The following XRN2 variants were observed in gnomAD, a reference collection of about 807,000 sequenced individuals.
XRN2 encodes the protein 5'-3' exoribonuclease 2.
Under a neutral mutation model 138.5 loss-of-function variants are expected in XRN2, and 44 were observed. The observed-to-expected ratio is 0.32, with a 90% CI of 0.25 to 0.41. The LOEUF is 0.41. Among genes scored for constraint, XRN2 ranks in the 10% least tolerant of loss-of-function variants. XRN2 has a pLI of 1.00. For missense variants in XRN2, 937 were observed against 1,169.3 expected (o/e 0.80, Z 2.90); for synonymous variants, 354 against 369.4 (o/e 0.96, Z 0.48).
At chr20:21,347,135 G>A (rs146231528) in intron 17 of XRN2, among the ~76,000 whole-genome samples, 269 of 152,322 alleles carry the variant, frequency 1.8e-3, no homozygotes, top group African/African-American at 6.0e-3. Flanking sequence ...TTAAGATGAC[G>A]AAAGGTTAGT....
chr20:21,331,684 A>C, intron 7 of XRN2, 51 bp downstream of exon 7: 1 of 1,597,540 alleles, frequency 6.3e-7, no homozygotes, highest in Non-Finnish European at 8.5e-7. Context: ...TTAAAAAGCC[A>C]TTGCATAGAA....
intron 1 of XRN2, among the ~76,000 whole-genome samples, chr20:21,320,279 G>GTATT (rs1438144106): frequency 0.14 from 12,102 of 88,474 alleles, 672 homozygotes; most frequent in Non-Finnish European, 0.2. Flanking sequence ...ATTTATTTAT[G>GTATT]TATTTATTTA....
At chr20:21,375,424 A>G (rs1051620724) in intron 27 of XRN2, among the ~76,000 whole-genome samples, 7 of 151,986 alleles carry the variant, frequency 4.6e-5, no homozygotes, top group South Asian at 2.1e-4. Flanking sequence ...GTCTTTTCCA[A>G]TATATGCACT....
chr20:21,330,414 T>C, intron 4 of XRN2, 67 bp from the exon 5 acceptor site: 2 of 1,537,660 alleles, frequency 1.3e-6, no homozygotes, highest in South Asian at 1.2e-5. Context: ...TTTGTTGTTC[T>C]GGCTTAATGT....
At chr20:21,324,857 C>CTGCT (rs761818299) in intron 1 of XRN2, among the ~76,000 whole-genome samples, 7 of 152,086 alleles carry the variant, frequency 4.6e-5, no homozygotes, top group Non-Finnish European at 8.8e-5. Context: ...TGAAATTGAC[C>CTGCT]TGCTGAAAGT....
intron 1 of XRN2, among the ~76,000 whole-genome samples, chr20:21,311,039 CT>C (rs2037874132): frequency 6.6e-6 from 1 of 152,140 alleles, no homozygotes; most frequent in African/African-American, 2.4e-5. Flanking sequence ...GCGTGAGCCA[CT>C]GCGCCTGTCC....
At position 21,307,395 on chromosome 20, in the gene XRN2, C is replaced by T. The variant is rs1284373498; in HGVS notation, c.75+3922C>T. Among the ~76,000 whole-genome samples the T allele has an allele frequency of 6.6e-5, 5 of 76,098 alleles. 1 individual carries two copies. The highest frequency in any genetic ancestry group is 1.1e-4 in the African/African-American group (3 of 27,774). The allele number at this position is 76,098 out of a possible 152,430, so 49.9% of individuals were successfully genotyped here. On this transcript the variant is annotated intron_variant, in intron 1 of 29. Transcript: ENST00000377191. ...TTTCCAGACTCAGGATACTGGTCCT[C>T]TTAGACTCATGTATTTTTATTTTTA... is the stretch of plus-strand genomic sequence containing the variant.
chr20:21,372,792 C>T (rs1011673730), intron 27 of XRN2, among the ~76,000 whole-genome samples: 1 of 151,696 alleles, frequency 6.6e-6, no homozygotes, highest in African/African-American at 2.4e-5. Context: ...TCAGAAGCCC[C>T]CCATTGTGTC....
chr20:21,371,114 C>A (rs1307524354), intron 27 of XRN2, among the ~76,000 whole-genome samples: 2 of 152,082 alleles, frequency 1.3e-5, no homozygotes, highest in South Asian at 2.1e-4. Flanking sequence ...TGTTTTTAAA[C>A]CGAAGCTGTA....
At chr20:21,324,408 CTTTCATTGCATATGT>C (rs2038092882) in intron 1 of XRN2, among the ~76,000 whole-genome samples, 1 of 151,676 alleles carries the variant, frequency 6.6e-6, no homozygotes, top group African/African-American at 2.4e-5. Flanking sequence ...TTTCACCATG[CTTTCATTGCATATGT>C]ATTCGTCCCT....
At chr20:21,337,855 G>A (rs1463014045) in intron 13 of XRN2, among the ~76,000 whole-genome samples, 1 of 152,198 alleles carries the variant, frequency 6.6e-6, no homozygotes, top group Non-Finnish European at 1.5e-5. Context: ...AGTGAAGACT[G>A]ATCCAAGGAG....
chr20:21,340,811 C>T lies in XRN2; in HGVS notation c.1369C>T (p.Pro457Ser). ...ACCAGGTTCTCAAGTAGCCAGTAAT[C>T]CGAGACAAGCAGCCTATGAAATGAG... ...NSPGSQVASN[P>S]RQAAYEMRMQ... is the part of the protein sequence containing the mutation. The change falls in exon 15 of 30, where the codon CCG becomes TCG. Residue 457 changes from proline to serine, a missense_variant. Pro to Ser is a moderately conservative substitution (Grantham distance 74, BLOSUM62 -1). This residue lies in a region of XRN2 where 471 missense variants were observed against 581.2 expected (regional missense o/e 0.81). Transcript: ENST00000377191. The T allele has an allele frequency of 6.2e-7, 1 of 1,613,974 alleles. No individual in the cohort carries two copies. Among genetic ancestry groups the T allele is most frequent in the Non-Finnish European group, 8.5e-7 (1 of 1,179,890 alleles).
chr20:21,368,944 T>G (rs2038732820), intron 27 of XRN2, among the ~76,000 whole-genome samples: 1 of 152,206 alleles, frequency 6.6e-6, no homozygotes. Flanking sequence ...TATTTTGAAA[T>G]GTACAATTAA....
At position 21,377,264 on chromosome 20, in the gene XRN2, C is replaced by CT. The variant is rs761622310; in HGVS notation, c.2585-4716dup. Among the ~76,000 whole-genome samples the CT allele has an allele frequency of 3.9e-3, 325 of 82,804 alleles. 39 individuals carry two copies. Among genetic ancestry groups the CT allele is most frequent in the African/African-American group, 8.0e-3 (150 of 18,684 alleles). 54.3% of individuals were successfully genotyped at this position (82,804 alleles called of 152,430 possible). ...CCAACATATGATTTGTCGGTTTTTT[C>CT]TTTTTTTTTTTTTTGGTCAGTCTTG... On this transcript the variant is annotated intron_variant, in intron 27 of 29. Transcript: ENST00000377191.
chr20:21,349,227 C>T (rs2038476447), intron 19 of XRN2, among the ~76,000 whole-genome samples, 162 bp from the exon 20 acceptor site: 1 of 152,128 alleles, frequency 6.6e-6, no homozygotes, highest in Non-Finnish European at 1.5e-5. Flanking sequence ...TTTTGTTTTA[C>T]TATACTTGGG....
At chr20:21,321,167 A>G (rs182055310) in intron 1 of XRN2, among the ~76,000 whole-genome samples, 31 of 151,504 alleles carry the variant, frequency 2.0e-4, no homozygotes, top group South Asian at 4.2e-4. Context: ...CAGGTATGCT[A>G]TCACACCTGG....
intron 3 of XRN2, among the ~76,000 whole-genome samples, chr20:21,327,078 T>C (rs1194400761): frequency 1.3e-5 from 2 of 152,144 alleles, no homozygotes; most frequent in Non-Finnish European, 2.9e-5. Flanking sequence ...AGGGAGGACC[T>C]TCCAGATTTC....
chr20:21,349,498 A>G (rs769945337), intron 20 of XRN2, 37 bp downstream of exon 20: 40 of 1,399,226 alleles, frequency 2.9e-5, no homozygotes, highest in Non-Finnish European at 3.0e-6. Flanking sequence ...AAAACTGTGA[A>G]CAAACATAAT....
intron 24 of XRN2, among the ~76,000 whole-genome samples, chr20:21,363,085 G>A (rs1250316148): frequency 5.9e-5 from 9 of 152,052 alleles, no homozygotes. Flanking sequence ...TTGGTCCTCA[G>A]GTGAAATAAT....
Sources: gnomAD v4.1 joint callset for allele counts (sites outside exome capture counted in the v4.1 genomes callset) on GRCh38, gnomAD v4.1.1 for gene constraint, gnomAD v4.1.1 regional missense constraint, MANE v1.5 for transcripts, NCBI Gene and HGNC (gene_info 2026-07-23, HGNC 2026-07-21) for gene names.